The following TDRD3 variants were observed in gnomAD, a reference collection of about 807,000 sequenced individuals.
The protein encoded by TDRD3 is tudor domain-containing protein 3.
A neutral mutation model predicts 86.7 loss-of-function variants in TDRD3; 45 were observed. The ratio of observed to expected loss-of-function variants is 0.52; its 90% CI spans 0.41 to 0.67. TDRD3 has a LOEUF of 0.67. Among genes scored for constraint, TDRD3 ranks in the 30% least tolerant of loss-of-function variants. The pLI, the probability that TDRD3 is intolerant of heterozygous loss-of-function variation, is 0.00. For synonymous variants in TDRD3, 298 were observed against 301.7 expected, an observed-to-expected ratio of 0.99 and a Z score of 0.13; for missense variants, 814 against 889.0, an observed-to-expected ratio of 0.92 and a Z score of 1.07.
upstream of TDRD3, chr13:60,396,900 C>T (rs1329830422): frequency 6.5e-6 from 1 of 153,226 alleles, no homozygotes; most frequent in Non-Finnish European, 1.5e-5. Context: ...CCCTCGCAGC[C>T]AACCCGTCAG....
At chr13:60,522,705 G>A (rs550741586) in intron 10 of TDRD3, among the ~76,000 whole-genome samples, 1 of 152,270 alleles carries the variant, frequency 6.6e-6, no homozygotes, top group South Asian at 2.1e-4. Flanking sequence ...AGGTTTTTCT[G>A]CGTTAATAGA....
chr13:60,467,158 C>A, intron 4 of TDRD3, 80 bp from the exon 5 acceptor site: 1 of 1,542,770 alleles, frequency 6.5e-7, no homozygotes, highest in Non-Finnish European at 8.8e-7. Flanking sequence ...CCTGACAGGC[C>A]CCGGTCTGTG....
chr13:60,547,282 A>G, intron 12 of TDRD3: 2 of 985,388 alleles, frequency 2.0e-6, no homozygotes, highest in Non-Finnish European at 2.4e-6. Context: ...TTATCCTGAA[A>G]GGATTTGGTG....
At chr13:60,424,425 C>T (rs1566180744) in intron 1 of TDRD3, among the ~76,000 whole-genome samples, 1 of 152,178 alleles carries the variant, frequency 6.6e-6, no homozygotes, top group South Asian at 2.1e-4. Context: ...CGCGTGTAAT[C>T]CCAGCACTTT....
chr13:60,397,337 C>G lies in TDRD3; in HGVS notation c.-28C>G. 6.9e-7 allele frequency: 1 copy of G among 1,454,854 alleles called. No homozygotes were observed. The highest frequency in any genetic ancestry group is 9.1e-7 in the Non-Finnish European group (1 of 1,098,338). The allele number at this position is 1,454,854 out of a possible 1,614,324, so 90.1% of individuals were successfully genotyped here. On this transcript the variant is annotated 5_prime_UTR_variant, in exon 1 of 14. Coordinates refer to ENST00000377881, the MANE Select transcript of TDRD3 (RefSeq NM_001146070.2). ...CTCCCCATCACCCCCACCCCAGCCC[C>G]CCACCACCCCCGGCCTAAGCAGCTA... is the stretch of plus-strand genomic sequence containing the variant.
intron 10 of TDRD3, among the ~76,000 whole-genome samples, chr13:60,525,113 C>A: frequency 7.3e-6 from 1 of 137,694 alleles, no homozygotes; most frequent in Non-Finnish European, 1.6e-5. Context: ...AAAAAAACCC[C>A]ACAATTTTCA....
intron 1 of TDRD3, among the ~76,000 whole-genome samples, chr13:60,398,354 G>C (rs1393981421): frequency 6.6e-6 from 1 of 152,166 alleles, no homozygotes; most frequent in Non-Finnish European, 1.5e-5. Context: ...AGGAACAGAT[G>C]AGTGCACTGT....
At chr13:60,431,208 T>C (rs1040685395) in intron 1 of TDRD3, among the ~76,000 whole-genome samples, 3 of 152,066 alleles carry the variant, frequency 2.0e-5, no homozygotes, top group Non-Finnish European at 2.9e-5. Context: ...AAAAAACAAA[T>C]GTCAGAAACC....
intron 1 of TDRD3, chr13:60,433,990 T>C (rs1411140864): frequency 6.6e-6 from 1 of 152,212 alleles, no homozygotes; most frequent in African/African-American, 2.4e-5. Flanking sequence ...ATAGTGTTTG[T>C]TTTATCACAG....
intron 13 of TDRD3, among the ~76,000 whole-genome samples, chr13:60,570,507 T>TA (rs1180561737): frequency 6.6e-6 from 1 of 152,204 alleles, no homozygotes; most frequent in Non-Finnish European, 1.5e-5. Flanking sequence ...AGTTGGTTCC[T>TA]AAAAAAACTG....
chr13:60,438,121 G>A (rs1955167132), intron 1 of TDRD3, among the ~76,000 whole-genome samples: 2 of 151,988 alleles, frequency 1.3e-5, no homozygotes, highest in African/African-American at 4.8e-5. Flanking sequence ...TACTAATCTT[G>A]TTACTGATTT....
At chr13:60,511,755 G>A (rs939756809) in intron 10 of TDRD3, among the ~76,000 whole-genome samples, 8 of 152,040 alleles carry the variant, frequency 5.3e-5, no homozygotes, top group African/African-American at 1.4e-4. Flanking sequence ...ATGAAGTCCC[G>A]TTTTTTGCTT....
intron 10 of TDRD3, among the ~76,000 whole-genome samples, chr13:60,520,638 C>G (rs1227597743): frequency 6.6e-6 from 1 of 152,154 alleles, no homozygotes; most frequent in Non-Finnish European, 1.5e-5. Flanking sequence ...TATTTGTTGT[C>G]TGCCTCTGCC....
intron 12 of TDRD3, among the ~76,000 whole-genome samples, chr13:60,549,796 T>G (rs1249476461): frequency 6.6e-6 from 1 of 152,120 alleles, no homozygotes; most frequent in African/African-American, 2.4e-5. Flanking sequence ...GCAATTTTTC[T>G]AACATGGAGC....
At chr13:60,462,990 C>A (rs1302348122) in intron 4 of TDRD3, among the ~76,000 whole-genome samples, 1 of 152,104 alleles carries the variant, frequency 6.6e-6, no homozygotes, top group Admixed American at 6.6e-5. Context: ...TCACTTTCAA[C>A]AAAGGCATCA....
At chr13:60,550,061 G>A (rs1014071863) in intron 12 of TDRD3, among the ~76,000 whole-genome samples, 12 of 151,918 alleles carry the variant, frequency 7.9e-5, no homozygotes, top group African/African-American at 2.9e-4. Context: ...CAAAATATTG[G>A]TAAATGTTCA....
intron 3 of TDRD3, among the ~76,000 whole-genome samples, chr13:60,456,415 ATACT>A (rs1300637219): frequency 6.6e-6 from 1 of 152,164 alleles, no homozygotes; most frequent in African/African-American, 2.4e-5. Flanking sequence ...TTTCTAGCAG[ATACT>A]TAATATTGTT....
At chr13:60,554,661 G>A (rs1697240383) in intron 12 of TDRD3, among the ~76,000 whole-genome samples, 1 of 152,190 alleles carries the variant, frequency 6.6e-6, no homozygotes, top group Admixed American at 6.5e-5. Context: ...CTCTAATACA[G>A]AGACTTCGTG....
At chr13:60,454,644 G>A (rs1955625307) in intron 3 of TDRD3, among the ~76,000 whole-genome samples, 1 of 152,108 alleles carries the variant, frequency 6.6e-6, no homozygotes, top group South Asian at 2.1e-4. Flanking sequence ...TTGGCCACCA[G>A]CCCAAAGCTG....
Sources: allele counts gnomAD v4.1 joint callset (sites outside exome capture counted in the v4.1 genomes callset), GRCh38; gene constraint gnomAD v4.1.1; transcripts MANE v1.5; gene names NCBI Gene and HGNC (gene_info 2026-07-23, HGNC 2026-07-21).